GLDC: variants seen among roughly 807,000 people sequenced by gnomAD.
GLDC encodes glycine dehydrogenase (decarboxylating), mitochondrial.
A neutral mutation model predicts 121.3 loss-of-function variants in GLDC; 104 were observed. The ratio of observed to expected loss-of-function variants is 0.86; its 90% CI spans 0.73 to 1.01. GLDC has a LOEUF of 1.01. GLDC is among the 50% of genes least tolerant of loss of function. GLDC has a pLI of 0.00. For synonymous variants in GLDC, 546 were observed against 480.6 expected, an observed-to-expected ratio of 1.14 and a Z score of -1.78; for missense variants, 1,429 against 1,306.6, an observed-to-expected ratio of 1.09 and a Z score of -1.44.
Position 6,637,532 on chromosome 9 carries a change from C to G in GLDC, c.334+7082G>C, listed in dbSNP as rs1042826051. On this transcript the variant is annotated intron_variant, in intron 2 of 24. Transcript: ENST00000321612. ...TGGCGCAATCACAGCTCACTGCAAC[C>G]TTCTCTTCCCTGCAACCTCCACCTC... Among the ~76,000 whole-genome samples, 5 of 152,134 alleles carry G rather than the reference C, an allele frequency of 3.3e-5. No homozygotes were observed. The South Asian group carries it at 8.3e-4, about 25-fold the overall frequency.
At chr9:6,629,929 C>CTATATATATG (rs1819326468) in intron 2 of GLDC, among the ~76,000 whole-genome samples, 4 of 102,168 alleles carry the variant, frequency 3.9e-5, no homozygotes, top group African/African-American at 1.9e-4. Context: ...TTGCTTTTCA[C>CTATATATATG]TATATATATA....
chr9:6,598,754 T>A (rs531531043), intron 8 of GLDC, among the ~76,000 whole-genome samples: 6 of 152,300 alleles, frequency 3.9e-5, no homozygotes, highest in Admixed American at 1.3e-4. Flanking sequence ...AATAAGAGGA[T>A]GAAAATCAGA....
At chr9:6,548,362 AGAGCAG>A (rs55924676) in intron 21 of GLDC, among the ~76,000 whole-genome samples, 57,169 of 151,786 alleles carry the variant, frequency 0.38, 12,159 homozygotes, top group Admixed American at 0.49. Flanking sequence ...TACATTTCAC[AGAGCAG>A]GAGCTAAGCT....
chr9:6,564,265 T>C (rs1378570210), intron 16 of GLDC, among the ~76,000 whole-genome samples: 2 of 151,172 alleles, frequency 1.3e-5, no homozygotes, highest in Non-Finnish European at 3.0e-5. Context: ...AAAAAAAAAT[T>C]CTATTCCCCA....
intron 2 of GLDC, among the ~76,000 whole-genome samples, chr9:6,622,236 A>G (rs1408488578): frequency 1.3e-5 from 2 of 151,604 alleles, no homozygotes; most frequent in East Asian, 1.9e-4. Context: ...CACAAGAGAT[A>G]TGGTCCCCCT....
intron 21 of GLDC, among the ~76,000 whole-genome samples, chr9:6,545,878 T>A (rs904574691): frequency 3.3e-5 from 5 of 152,162 alleles, no homozygotes; most frequent in Non-Finnish European, 2.9e-5. Context: ...TGAGTTCAAG[T>A]GATCTGCCCG....
chr9:6,553,158 G>GA lies in GLDC; in HGVS notation c.2457+209dup, dbSNP rs528303242. Among the ~76,000 whole-genome samples the GA allele has an allele frequency of 1.1e-4, 17 of 152,306 alleles. No individual in the cohort carries two copies. The East Asian group carries it at 2.9e-3, about 26-fold the overall frequency. ...TTAAACCCACTCTGAGAACCCAAAA[G>GA]AAGTAGTGTAATGAAGGAGAGATGA... On this transcript the variant is annotated intron_variant, in intron 20 of 24. Coordinates refer to ENST00000321612, the MANE Select transcript of GLDC (RefSeq NM_000170.3).
intron 15 of GLDC, 108 bp from the exon 16 acceptor site, chr9:6,565,537 G>T (rs139687875): frequency 1.2e-6 from 1 of 832,228 alleles, no homozygotes; most frequent in Non-Finnish European, 2.1e-6. Context: ...GTGACACATG[G>T]TCACTGTCCA....
At chr9:6,549,663 T>C (rs1226301442) in intron 21 of GLDC, among the ~76,000 whole-genome samples, 6 of 152,156 alleles carry the variant, frequency 3.9e-5, no homozygotes, top group Admixed American at 3.9e-4. Flanking sequence ...AAAGGATGCC[T>C]GGTTTTTAGT....
chr9:6,615,802 T>C (rs1021039880), intron 3 of GLDC, among the ~76,000 whole-genome samples: 2 of 152,080 alleles, frequency 1.3e-5, no homozygotes, highest in Non-Finnish European at 2.9e-5. Context: ...TTTGTAGAGA[T>C]AGGGTTTTGC....
intron 3 of GLDC, among the ~76,000 whole-genome samples, chr9:6,611,471 G>T (rs1016701792): frequency 1.3e-5 from 2 of 151,766 alleles, no homozygotes; most frequent in Non-Finnish European, 2.9e-5. Flanking sequence ...CAGGAGAATC[G>T]CTTGAACCCG....
chr9:6,623,003 GC>G, intron 2 of GLDC: 1 of 176,468 alleles, frequency 5.7e-6, no homozygotes. Flanking sequence ...TGGGGGGTCA[GC>G]CCCTGCCCGG....
intron 9 of GLDC, among the ~76,000 whole-genome samples, chr9:6,593,286 T>TATATATATATAA (rs1333210071): frequency 1.1e-4 from 17 of 150,688 alleles, no homozygotes; most frequent in African/African-American, 3.7e-4. Flanking sequence ...TATATATATA[T>TATATATATATAA]AAAATTATAC....
Position 6,556,151 on chromosome 9 carries a change from A to T in GLDC, c.2202+2T>A. The T allele has an allele frequency of 6.2e-7, 1 of 1,610,772 alleles. No individual in the cohort carries two copies. On this transcript the variant is annotated splice_donor_variant, in intron 18 of 24. Transcript: ENST00000321612. LOFTEE classifies it high-confidence loss of function. Reference sequence around the variant, plus strand: ...CTAAGGGCGGGCCTCTTCAGTTCCCACCTGAGCATTCATATTTGCCCCGTC... The same window carrying T: ...CTAAGGGCGGGCCTCTTCAGTTCCCTCCTGAGCATTCATATTTGCCCCGTC...
At chr9:6,590,019 C>T (rs1447388965) in intron 11 of GLDC, among the ~76,000 whole-genome samples, 5 of 151,444 alleles carry the variant, frequency 3.3e-5, no homozygotes, top group Non-Finnish European at 7.4e-5. Flanking sequence ...CATGCCACTG[C>T]ACGCCACCCT....
intron 9 of GLDC, 118 bp from the exon 10 acceptor site, chr9:6,593,108 G>T: frequency 2.8e-6 from 3 of 1,052,780 alleles, no homozygotes; most frequent in Non-Finnish European, 4.4e-6. Flanking sequence ...CCTGGGGAGT[G>T]CTTTGGTGAT....
intron 8 of GLDC, among the ~76,000 whole-genome samples, chr9:6,598,472 C>T (rs974338781): frequency 2.0e-5 from 3 of 152,170 alleles, no homozygotes; most frequent in Non-Finnish European, 2.9e-5. Flanking sequence ...CGATGCGAAA[C>T]TAAGAGTGGA....
At chr9:6,558,517 C>G in intron 17 of GLDC, 42 bp downstream of exon 17, 1 of 1,611,032 alleles carries the variant, frequency 6.2e-7, no homozygotes. Flanking sequence ...ACCAGCACTC[C>G]CCATCCCGGC....
rs185301764 is a variant in GLDC at position 6,582,470 on chromosome 9, G to C, written c.1850+4671C>G. 4.0e-3 allele frequency among the ~76,000 whole-genome samples: 605 copies of C among 152,080 alleles called. 4 individuals are homozygous for C. The highest frequency in any genetic ancestry group is 0.014 in the African/African-American group (584 of 41,490). ...TGGGAGGTGGAGGCTGCAGTGAGCC[G>C]AGATGGCGCCACTGCGCTCCAGGCT... On this transcript the variant is annotated intron_variant, in intron 15 of 24. Coordinates refer to ENST00000321612, the MANE Select transcript of GLDC (RefSeq NM_000170.3).
Sources: gnomAD v4.1 joint callset for allele counts (sites outside exome capture counted in the v4.1 genomes callset) on GRCh38, gnomAD v4.1.1 for gene constraint, MANE v1.5 for transcripts, NCBI Gene and HGNC (gene_info 2026-07-23, HGNC 2026-07-21) for gene names.